The following COL11A1 variants were observed in gnomAD, a reference collection of about 807,000 sequenced individuals.
COL11A1 encodes collagen type XI alpha 1 chain.
Under a neutral mutation model 265.2 loss-of-function variants are expected in COL11A1, and 74 were observed. The observed-to-expected ratio is 0.28, with a 90% CI of 0.23 to 0.34. The LOEUF (loss-of-function observed/expected upper bound fraction) is 0.34. Among genes scored for constraint, COL11A1 ranks in the 10% least tolerant of loss-of-function variants. The pLI is 1.00. For missense variants in COL11A1, 2,165 were observed against 2,263.6 expected (o/e 0.96, Z 0.88); for synonymous variants, 816 against 727.6 (o/e 1.12, Z -1.96).
At chr1:103,074,221 C>T (rs750258644) in intron 4 of COL11A1, among the ~76,000 whole-genome samples, 1 of 151,990 alleles carries the variant, frequency 6.6e-6, no homozygotes, top group Non-Finnish European at 1.5e-5. Context: ...AAAAAACATT[C>T]ACAAAGAACA....
chr1:102,885,257 T>C (rs1437714746), intron 63 of COL11A1, among the ~76,000 whole-genome samples: 2 of 152,204 alleles, frequency 1.3e-5, no homozygotes, highest in African/African-American at 2.4e-5. Flanking sequence ...TATTTTTCTC[T>C]TGTTAACCTT....
intron 4 of COL11A1, among the ~76,000 whole-genome samples, chr1:103,071,877 A>G (rs1376228036): frequency 6.9e-6 from 1 of 145,614 alleles, no homozygotes; most frequent in Non-Finnish European, 1.5e-5. Flanking sequence ...TTGTATATAT[A>G]TATATATATA....
At position 102,879,936 on chromosome 1, in the gene COL11A1, A is replaced by G. The variant is rs187875640; in HGVS notation, c.5041-20T>C. ...TGAAAGCTAGGAATAAAGGAATAAA[A>G]AGACACCTAATGACTCTTTTCCTCT... On this transcript the variant is annotated intron_variant, in intron 65 of 66. Transcript: ENST00000370096. 29 of 1,479,828 alleles carry G rather than the reference A, an allele frequency of 2.0e-5. No homozygotes were observed. The Admixed American group carries it at 4.4e-4, about 22-fold the overall frequency. The allele number at this position is 1,479,828 out of a possible 1,614,324, so 91.7% of individuals were successfully genotyped here.
intron 37 of COL11A1, among the ~76,000 whole-genome samples, chr1:102,968,826 A>T (rs551378040): frequency 6.6e-6 from 1 of 152,202 alleles, no homozygotes; most frequent in African/African-American, 2.4e-5. Context: ...TTAAATCTCA[A>T]TGTTATATGT....
chr1:102,888,404 T>C (rs540096368), intron 62 of COL11A1, among the ~76,000 whole-genome samples, 173 bp downstream of exon 62: 25 of 152,206 alleles, frequency 1.6e-4, no homozygotes, highest in Non-Finnish European at 3.4e-4. Context: ...GTGAAATCAA[T>C]TAAAATTTAA....
chr1:102,897,981 C>A, intron 57 of COL11A1, 144 bp downstream of exon 57: 2 of 364,806 alleles, frequency 5.5e-6, no homozygotes, highest in Non-Finnish European at 1.0e-5. Flanking sequence ...GGATTACTTT[C>A]CTCTAAGACA....
chr1:102,935,040 GA>G lies in COL11A1; in HGVS notation c.3492+19del, dbSNP rs1658003341. 6.2e-7 allele frequency: 1 copy of G among 1,612,794 alleles called. No homozygotes were observed. ...GGAGCTGTAAGGATTTAGATTTGCT[GA>G]ACAATGTGGAATACTCACAGCAATT... is the stretch of plus-strand genomic sequence containing the variant. On this transcript the variant is annotated intron_variant, in intron 45 of 66. Transcript: ENST00000370096.
intron 4 of COL11A1, 107 bp from the exon 5 acceptor site, chr1:103,031,351 G>C: frequency 1.5e-6 from 2 of 1,325,322 alleles, no homozygotes; most frequent in East Asian, 5.1e-5. Flanking sequence ...ATTTGAAGAA[G>C]AAAAATGACC....
rs771479926 is a variant in COL11A1 at position 102,921,607 on chromosome 1, A to G, written c.3655-36T>C. 2.6e-6 allele frequency: 4 copies of G among 1,532,128 alleles called. No individual in the cohort carries two copies. The South Asian group carries it at 3.5e-5, about 13-fold the overall frequency. The allele number at this position is 1,532,128 out of a possible 1,614,324, so 94.9% of individuals were successfully genotyped here. A position where few individuals can be genotyped will look rare whatever the true frequency, so the allele number is the denominator to read the frequency against. ...GAAATATTGAGGTTTACAAAGACCAAATTCAAATGTGTTTCCAACATTTTC... is the reference window on the plus strand; with the variant it reads ...GAAATATTGAGGTTTACAAAGACCAGATTCAAATGTGTTTCCAACATTTTC... On this transcript the variant is annotated intron_variant, in intron 47 of 66. Coordinates refer to ENST00000370096, the MANE Select transcript of COL11A1 (RefSeq NM_001854.4).
intron 66 of COL11A1, among the ~76,000 whole-genome samples, chr1:102,878,444 A>T (rs1309981446): frequency 8.1e-6 from 1 of 123,278 alleles, no homozygotes; most frequent in Non-Finnish European, 1.7e-5. Context: ...AATACAATTT[A>T]ATATGAAAAT....
rs533761924 is a variant in COL11A1, at chr1:102,886,916, G to A, written c.4749C>T (p.Leu1583=). 8.7e-6 allele frequency: 14 copies of A among 1,613,824 alleles called. No individual in the cohort carries two copies. Among genetic ancestry groups the A allele is most frequent in the Admixed American group, 3.3e-5 (2 of 59,984 alleles). The part of the protein sequence containing the change: ...SDGMEEIFGS[L]NSLKQDIEHM... ...GCTCAATGTCTTGTTTCAGGGAATTGAGGGAACCAAATATTTCTTCCATTC... is the reference window on the plus strand; with the variant it reads ...GCTCAATGTCTTGTTTCAGGGAATTAAGGGAACCAAATATTTCTTCCATTC... Residue 1583 remains leucine, a synonymous_variant, in exon 63 of 67, where the codon CTC becomes CTT. Coordinates refer to ENST00000370096, the MANE Select transcript of COL11A1 (RefSeq NM_001854.4).
intron 9 of COL11A1, among the ~76,000 whole-genome samples, chr1:103,021,161 T>G (rs925604605): frequency 2.0e-5 from 3 of 151,128 alleles, no homozygotes; most frequent in Non-Finnish European, 4.4e-5. Context: ...AATCTGTTTC[T>G]TAGCAATATT....
chr1:102,947,595 A>T (rs1659433038), intron 41 of COL11A1, among the ~76,000 whole-genome samples: 1 of 152,056 alleles, frequency 6.6e-6, no homozygotes, highest in Non-Finnish European at 1.5e-5. Flanking sequence ...TTTGAATCTG[A>T]TTAGGTTTTT....
rs568394367 is a variant in COL11A1, at chr1:102,928,073, T to G, written c.3601-4684A>C. Among the ~76,000 whole-genome samples, 5 of 152,164 alleles carry G rather than the reference T, an allele frequency of 3.3e-5. 1 individual carries two copies. The highest frequency in any genetic ancestry group is 1.2e-4 in the African/African-American group (5 of 41,514). ...AAGTACTAACTTATCTTGTTATGAG[T>G]CCTATGAGAGGACCCTTCTAATATC... On this transcript the variant is annotated intron_variant, in intron 46 of 66. Transcript: ENST00000370096.
intron 37 of COL11A1, 135 bp from the exon 38 acceptor site, chr1:102,965,675 A>C: frequency 1.5e-6 from 1 of 664,788 alleles, no homozygotes; most frequent in African/African-American, 1.8e-5. Flanking sequence ...CAAATGCTTA[A>C]ATATGTTTAA....
intron 1 of COL11A1, among the ~76,000 whole-genome samples, chr1:103,085,511 C>T (rs1571246076): frequency 7.0e-6 from 1 of 142,450 alleles, no homozygotes. Flanking sequence ...CACATAGTGG[C>T]CCTGACTGGG....
At chr1:103,027,840 G>T (rs1667666765) in intron 5 of COL11A1, among the ~76,000 whole-genome samples, 1 of 152,034 alleles carries the variant, frequency 6.6e-6, no homozygotes, top group Non-Finnish European at 1.5e-5. Context: ...CTGTACCAAA[G>T]TAGTCAATTT....
intron 54 of COL11A1, among the ~76,000 whole-genome samples, chr1:102,904,003 A>T (rs1320349839): frequency 6.6e-6 from 1 of 152,112 alleles, no homozygotes; most frequent in Non-Finnish European, 1.5e-5. Context: ...CTAGGACTAC[A>T]GGCTCATGTC....
intron 57 of COL11A1, among the ~76,000 whole-genome samples, chr1:102,891,183 C>G (rs1196092115): frequency 6.6e-6 from 1 of 151,944 alleles, no homozygotes; most frequent in Non-Finnish European, 1.5e-5. Context: ...ACTATGATTA[C>G]TGGAGAGAGA....
Sources: allele counts gnomAD v4.1 joint callset (sites outside exome capture counted in the v4.1 genomes callset), GRCh38; gene constraint gnomAD v4.1.1; transcripts MANE v1.5; gene names NCBI Gene and HGNC (gene_info 2026-07-23, HGNC 2026-07-21).